The following TASP1 variants were observed in gnomAD, a reference collection of about 807,000 sequenced individuals.
The protein encoded by TASP1 is taspase 1, also known as threonine aspartase 1.
A neutral mutation model predicts 56.6 loss-of-function variants in TASP1; 16 were observed. The ratio of observed to expected loss-of-function variants is 0.28; its 90% CI spans 0.19 to 0.43. The LOEUF is 0.43. Ranked by LOEUF, TASP1 falls within the 20% of genes least tolerant of loss-of-function variation. TASP1 has a pLI of 1.00. For synonymous variants in TASP1, 179 were observed against 184.2 expected (o/e 0.97, Z 0.23); for missense variants, 393 against 511.6 (o/e 0.77, Z 2.24).
chr20:13,288,932 A>G, the TASP1 span, among the ~76,000 whole-genome samples: 3 of 152,018 alleles, frequency 2.0e-5, no homozygotes, highest in African/African-American at 7.2e-5. Context: ...TTACAGGCAC[A>G]TGCCACCATG....
At chr20:13,408,057 T>C (rs1010988172) in intron 13 of TASP1, among the ~76,000 whole-genome samples, 1 of 152,176 alleles carries the variant, frequency 6.6e-6, no homozygotes, top group Non-Finnish European at 1.5e-5. Context: ...CATAAAAGTT[T>C]TAAATTTTTA....
At chr20:13,511,597 GTTTT>G (rs1216895430) in intron 10 of TASP1, among the ~76,000 whole-genome samples, 1 of 151,534 alleles carries the variant, frequency 6.6e-6, no homozygotes, top group Non-Finnish European at 1.5e-5. Context: ...GAAGTTCCGG[GTTTT>G]TTTATTATTA....
intron 8 of TASP1, among the ~76,000 whole-genome samples, chr20:13,540,448 A>C (rs2045579389): frequency 1.3e-5 from 2 of 152,224 alleles, no homozygotes; most frequent in South Asian, 4.1e-4. Context: ...AAGGGTGTTC[A>C]TGGCACCTTT....
rs765563759 is a variant in TASP1, at chr20:13,537,331, T to TA, written c.676-3191dup. 1.2e-4 allele frequency among the ~76,000 whole-genome samples: 18 copies of TA among 152,140 alleles called. No homozygotes were observed. The East Asian group carries it at 1.3e-3, about 11-fold the overall frequency. On this transcript the variant is annotated intron_variant, in intron 8 of 13. Coordinates refer to ENST00000337743, the MANE Select transcript of TASP1 (RefSeq NM_017714.3). The stretch of plus-strand genomic sequence containing the variant: ...AATATTCCTAAGAGCCTGTAACACC[T>TA]AAAAAAAATCAGAATTACTTCATAA...
At chr20:13,482,200 A>C (rs935930939) in intron 11 of TASP1, among the ~76,000 whole-genome samples, 2 of 152,082 alleles carry the variant, frequency 1.3e-5, no homozygotes, top group Non-Finnish European at 2.9e-5. Context: ...GTTCTTGACA[A>C]CTTTGTGGAA....
the TASP1 span, among the ~76,000 whole-genome samples, chr20:13,229,936 T>TA: frequency 6.6e-6 from 1 of 152,164 alleles, no homozygotes; most frequent in African/African-American, 2.4e-5. Flanking sequence ...AGAAAAGAGG[T>TA]AAACGCCACC....
chr20:13,225,539 AT>A, the TASP1 span, among the ~76,000 whole-genome samples: 2 of 152,180 alleles, frequency 1.3e-5, no homozygotes, highest in African/African-American at 4.8e-5. Flanking sequence ...GACTCTTTGT[AT>A]GACTGTCTCC....
chr20:13,420,997 T>C (rs1294482946), intron 12 of TASP1, among the ~76,000 whole-genome samples: 5 of 152,122 alleles, frequency 3.3e-5, no homozygotes, highest in Admixed American at 6.6e-5. Context: ...TTAAAACATT[T>C]TAAATCTCTC....
intron 6 of TASP1, among the ~76,000 whole-genome samples, chr20:13,579,287 T>G (rs1282051483): frequency 6.6e-6 from 1 of 152,208 alleles, no homozygotes; most frequent in Non-Finnish European, 1.5e-5. Context: ...AACAAACACT[T>G]AGTAAATTAT....
intron 9 of TASP1, among the ~76,000 whole-genome samples, chr20:13,531,489 T>A (rs1406335343): frequency 1.0e-5 from 1 of 97,504 alleles, no homozygotes; most frequent in Non-Finnish European, 2.6e-5. Context: ...TCTTATCCTT[T>A]TTTTTTTTTT....
intron 10 of TASP1, among the ~76,000 whole-genome samples, chr20:13,502,424 T>C (rs1322409587): frequency 1.3e-5 from 2 of 152,030 alleles, no homozygotes; most frequent in Non-Finnish European, 2.9e-5. Flanking sequence ...TATGGACAAT[T>C]ATAAAAGTAT....
chr20:13,513,289 C>G (rs1366652384), intron 10 of TASP1, among the ~76,000 whole-genome samples: 1 of 152,052 alleles, frequency 6.6e-6, no homozygotes, highest in East Asian at 1.9e-4. Context: ...CCTCAAGGAG[C>G]TCCTAGGCTT....
chr20:13,622,600 G>A (rs1162503931), intron 4 of TASP1, among the ~76,000 whole-genome samples: 1 of 152,106 alleles, frequency 6.6e-6, no homozygotes, highest in Non-Finnish European at 1.5e-5. Flanking sequence ...ACAAGGAAAG[G>A]CATGAAAGGG....
chr20:13,109,969 T>G, the TASP1 span: 5 of 618,288 alleles, frequency 8.1e-6, no homozygotes, highest in Non-Finnish European at 1.4e-5. Context: ...TCTGTCTCTC[T>G]CTCCCTAAGG....
At chr20:13,597,706 A>G (rs1422894208) in intron 4 of TASP1, among the ~76,000 whole-genome samples, 2 of 152,304 alleles carry the variant, frequency 1.3e-5, no homozygotes, top group Admixed American at 6.5e-5. Context: ...AGAAAGAAAT[A>G]AAGGGTATTC....
At chr20:13,395,563 G>A (rs2041497316) in intron 13 of TASP1, among the ~76,000 whole-genome samples, 1 of 152,042 alleles carries the variant, frequency 6.6e-6, no homozygotes, top group Non-Finnish European at 1.5e-5. Flanking sequence ...CTTCTCTTCT[G>A]TATTTATCAC....
At chr20:13,380,488 C>G in the TASP1 span, among the ~76,000 whole-genome samples, 1 of 152,150 alleles carries the variant, frequency 6.6e-6, no homozygotes, top group Non-Finnish European at 1.5e-5. Flanking sequence ...CCAGCTGGAG[C>G]TCTCCTGTAT....
the TASP1 span, among the ~76,000 whole-genome samples, chr20:13,266,953 T>C: frequency 6.6e-6 from 1 of 152,220 alleles, no homozygotes; most frequent in South Asian, 2.1e-4. Context: ...GTAAGTCCCT[T>C]TGAGAAGAGA....
At chr20:13,368,218 G>C in the TASP1 span, 1 of 152,134 alleles carries the variant, frequency 6.6e-6, no homozygotes, top group Non-Finnish European at 1.5e-5. Flanking sequence ...ACTGTGCTTG[G>C]AGTAAAAAGA....
Sources: allele counts gnomAD v4.1 joint callset (sites outside exome capture counted in the v4.1 genomes callset), GRCh38; gene constraint gnomAD v4.1.1; transcripts MANE v1.5; gene names NCBI Gene and HGNC (gene_info 2026-07-23, HGNC 2026-07-21).